The following H6PD variants were observed in gnomAD, a reference collection of about 807,000 sequenced individuals.
The protein encoded by H6PD is hexose-6-phosphate dehydrogenase/glucose 1-dehydrogenase, also known as GDH/6PGL endoplasmic bifunctional protein.
In H6PD, 48 loss-of-function variants were observed where a neutral mutation model predicts 61.2. The ratio of observed to expected loss-of-function variants is 0.78; its 90% confidence interval spans 0.62 to 1.00. The LOEUF is 1.00. Ranked by LOEUF, H6PD falls within the 50% of genes least tolerant of loss-of-function variation. The probability of loss-of-function intolerance (pLI) is 0.00; values close to 1 mark genes in which losing one functional copy is unlikely to be tolerated. For missense variants in H6PD, 1,093 were observed against 1,065.0 expected (o/e 1.03, Z -0.37); for synonymous variants, 480 against 457.9 (o/e 1.05, Z -0.62).
intron 1 of H6PD, among the ~76,000 whole-genome samples, chr1:9,241,615 G>C (rs1042729178): frequency 6.6e-6 from 1 of 152,264 alleles, no homozygotes; most frequent in African/African-American, 2.4e-5. Flanking sequence ...GCCCAGGCTG[G>C]TCTGGAAGTC....
chr1:9,245,301 G>C lies in H6PD; in HGVS notation c.367G>C (p.Asp123His). 1 of 1,614,246 alleles carries C rather than the reference G, an allele frequency of 6.2e-7. No homozygotes were observed. Among genetic ancestry groups the C allele is most frequent in the South Asian group, 1.1e-5 (1 of 91,082 alleles). The change falls in exon 2 of 5, where the codon GAC becomes CAC. Residue 123 changes from aspartate (D) to histidine (H), a missense_variant. Transcript: ENST00000377403. This position sits in a 1 kb window ranked among gnomAD's most constrained non-coding sequence, Gnocchi z 4.8. Reference sequence around the variant, plus strand: ...CGAGGACTATCAGGCCCTGAACAAGGACATCGAGGCACAGCTCCAGCACGC... The same window carrying C: ...CGAGGACTATCAGGCCCTGAACAAGCACATCGAGGCACAGCTCCAGCACGC... ...TAEDYQALNK[D>H]IEAQLQHAGL...
intron 3 of H6PD, among the ~76,000 whole-genome samples, chr1:9,249,658 G>T (rs1201338311): frequency 6.6e-6 from 1 of 152,230 alleles, no homozygotes; most frequent in Non-Finnish European, 1.5e-5. Flanking sequence ...GACAGGCAGT[G>T]GGAGATCCAC....
rs559682438 is a variant in H6PD at position 9,264,739 on chromosome 1, G to A, written c.2246G>A (p.Arg749Lys). 87 of 1,613,290 alleles carry A rather than the reference G, an allele frequency of 5.4e-5. 4 individuals are homozygous for A. In the South Asian group the frequency reaches 8.8e-4, roughly 16 times the overall value. Residue 749 changes from arginine (R) to lysine (K), a missense_variant, in exon 5 of 5, where the codon AGG (arginine) becomes AAG (lysine). Arg to Lys is a conservative substitution (Grantham distance 26). Coordinates refer to ENST00000377403, the MANE Select transcript of H6PD (RefSeq NM_004285.4). ...AAGGTGGCAGTCCTGGTCATGGGCA[G>A]GATGAAGCGTGAGATCACCACGCTG... ...AKKVAVLVMG[R>K]MKREITTLVS...
chr1:9,235,319 G>A (rs1640821511), intron 1 of H6PD, among the ~76,000 whole-genome samples: 1 of 152,110 alleles, frequency 6.6e-6, no homozygotes, highest in Admixed American at 6.5e-5. Context: ...ATTTCCCCCG[G>A]GACCTGCTTA....
chr1:9,249,600 G>A (rs1348003804), intron 3 of H6PD, among the ~76,000 whole-genome samples: 1 of 152,156 alleles, frequency 6.6e-6, no homozygotes, highest in Non-Finnish European at 1.5e-5. Flanking sequence ...CTTTAGTACA[G>A]CTGGGCCCTG....
In H6PD at chr1:9,245,454, A is replaced by G; in HGVS notation, c.520A>G (p.Lys174Glu). ...PGAWLRVVLE[K>E]PFGHDHFSAQ... ...CGCCTGGCTGCGGGTTGTCCTTGAG[A>G]AACCCTTTGGCCATGACCACTTCTC... The change falls in exon 2 of 5, where the codon AAA (lysine) becomes GAA (glutamate). Residue 174 changes from lysine to glutamate, a missense_variant. By Grantham distance (56) the Lys-to-Glu change is moderately conservative. Coordinates refer to ENST00000377403, the MANE Select transcript of H6PD (RefSeq NM_004285.4). The surrounding 1 kb of genome is among the most constrained non-coding windows in gnomAD (Gnocchi z 4.8). 1.2e-6 allele frequency: 2 copies of G among 1,614,134 alleles called. No homozygotes were observed. The highest frequency in any genetic ancestry group is 1.7e-6 in the Non-Finnish European group (2 of 1,180,018).
rs543623897 is a variant in H6PD at position 9,269,304 on chromosome 1, C to T, written c.*4435C>T. 6.6e-6 allele frequency: 1 copy of T among 152,422 alleles called. No homozygotes were observed. The highest frequency in any genetic ancestry group is 6.5e-5 in the Admixed American group (1 of 15,308). 9.4% of individuals were successfully genotyped at this position (152,422 alleles called of 1,614,324 possible). A position where few individuals can be genotyped will look rare whatever the true frequency, so the allele number is the denominator to read the frequency against. On this transcript the variant is annotated 3_prime_UTR_variant, in exon 5 of 5. Coordinates refer to ENST00000377403, the MANE Select transcript of H6PD (RefSeq NM_004285.4). This position sits in a 1 kb window ranked among gnomAD's most constrained non-coding sequence, Gnocchi z 4.3. ...CGCAACTCTCCCGTGAGGCTGCACC[C>T]GTGTGGGTAGCACTGGAAGCGGCAC...
At chr1:9,250,391 C>T (rs1299795382) in intron 3 of H6PD, among the ~76,000 whole-genome samples, 1 of 148,044 alleles carries the variant, frequency 6.8e-6, no homozygotes, top group Non-Finnish European at 1.5e-5. Context: ...CCACACACAC[C>T]GCAGGCCATT....
chr1:9,261,839 C>T (rs1056318398), intron 3 of H6PD, among the ~76,000 whole-genome samples: 3 of 152,224 alleles, frequency 2.0e-5, no homozygotes, highest in East Asian at 1.9e-4. Flanking sequence ...TTGACGCCTT[C>T]TCTTACAGTA....
At position 9,247,034 on chromosome 1, in the gene H6PD, C is replaced by A; in HGVS notation, c.696C>A (p.His232Gln). ...RKALDGLWNR[H>Q]HVERVEIIMK... is the part of the protein sequence containing the mutation. ...CTTTGGACGGCCTCTGGAACCGGCACCATGTGGAGCGGGTGGAGATCATCA... is the reference window on the plus strand; with the variant it reads ...CTTTGGACGGCCTCTGGAACCGGCAACATGTGGAGCGGGTGGAGATCATCA... The change falls in exon 3 of 5, where the codon CAC becomes CAA. Residue 232 changes from histidine to glutamine, a missense_variant. His to Gln is a conservative substitution (Grantham distance 24, BLOSUM62 0). Transcript: ENST00000377403. The A allele has an allele frequency of 6.2e-7, 1 of 1,613,944 alleles. No individual in the cohort carries two copies.
At chr1:9,242,940 C>G (rs1641043203) in intron 1 of H6PD, 1 of 985,290 alleles carries the variant, frequency 1.0e-6, no homozygotes, top group Non-Finnish European at 1.2e-6. Context: ...GACTGGAAAG[C>G]AGGAGGAAAA....
chr1:9,235,580 TTTA>T (rs1640828831), intron 1 of H6PD, among the ~76,000 whole-genome samples: 1 of 152,098 alleles, frequency 6.6e-6, no homozygotes, highest in African/African-American at 2.4e-5. Context: ...TATTTTTTAT[TTTA>T]TCTTTTTACT....
At chr1:9,263,387 C>A in intron 4 of H6PD, 122 bp from the exon 5 acceptor site, 1 of 911,410 alleles carries the variant, frequency 1.1e-6, no homozygotes. Flanking sequence ...GTGAGCATGG[C>A]AAGGCGAGGG....
At chr1:9,251,436 CTGTTGTTGT>C (rs58988268) in intron 3 of H6PD, among the ~76,000 whole-genome samples, 40,319 of 151,144 alleles carry the variant, frequency 0.27, 7,380 homozygotes, top group African/African-American at 0.52. Context: ...AGAAGGCCTG[CTGTTGTTGT>C]TGTTGTTGTT....
At chr1:9,255,922 C>T (rs777904538) in intron 3 of H6PD, among the ~76,000 whole-genome samples, 10 of 152,156 alleles carry the variant, frequency 6.6e-5, no homozygotes, top group African/African-American at 1.4e-4. Context: ...AACTTCACAC[C>T]GTTCTGTTGT....
intron 3 of H6PD, among the ~76,000 whole-genome samples, chr1:9,259,267 C>T (rs906628452): frequency 5.3e-5 from 8 of 152,146 alleles, no homozygotes; most frequent in South Asian, 4.2e-4. Flanking sequence ...GGATTATGGG[C>T]GTGAGCCACC....
At chr1:9,251,942 G>A (rs1442801979) in intron 3 of H6PD, among the ~76,000 whole-genome samples, 3 of 150,946 alleles carry the variant, frequency 2.0e-5, no homozygotes, top group Non-Finnish European at 4.4e-5. Flanking sequence ...TGGAAGCAAC[G>A]AGGAAGGGGT....
intron 1 of H6PD, among the ~76,000 whole-genome samples, chr1:9,241,597 G>T (rs535764700): frequency 6.6e-6 from 1 of 152,172 alleles, no homozygotes; most frequent in East Asian, 1.9e-4. Flanking sequence ...TGGGGGTCTC[G>T]CTGTGTTGCC....
At position 9,245,490 on chromosome 1, in the gene H6PD, C is replaced by A. The variant is rs200086283; in HGVS notation, c.556C>A (p.Leu186Met). ...CCATGACCACTTCTCAGCCCAGCAG[C>A]TGGCCACAGAACTCGGGACCTTTTT... Reference protein sequence around the residue: ...FGHDHFSAQQLATELGTFFQE... With the variant: ...FGHDHFSAQQMATELGTFFQE... The change falls in exon 2 of 5, where the codon CTG becomes ATG. Residue 186 changes from leucine to methionine, a missense_variant. Transcript: ENST00000377403. This position sits in a 1 kb window ranked among gnomAD's most constrained non-coding sequence, Gnocchi z 4.8. The A allele has an allele frequency of 5.0e-6, 8 of 1,614,080 alleles. No individual in the cohort carries two copies. The highest frequency in any genetic ancestry group is 4.2e-6 in the Non-Finnish European group (5 of 1,180,016).
Sources: allele counts gnomAD v4.1 joint callset (sites outside exome capture counted in the v4.1 genomes callset), GRCh38; gene constraint gnomAD v4.1.1; non-coding constraint Gnocchi (gnomAD v3.1); transcripts MANE v1.5; gene names NCBI Gene and HGNC (gene_info 2026-07-23, HGNC 2026-07-21).